KLF12: variants seen among roughly 807,000 people sequenced by gnomAD.
KLF12 encodes the protein KLF transcription factor 12, also known as Krueppel-like factor 12.
A neutral mutation model predicts 37.8 loss-of-function variants in KLF12; 9 were observed. That is an observed-to-expected ratio of 0.24 (90% CI 0.14 to 0.42). The LOEUF (loss-of-function observed/expected upper bound fraction) is 0.42, where lower values mean the gene tolerates loss of function less well. Ranked by LOEUF, KLF12 falls within the 10% of genes least tolerant of loss-of-function variation. The pLI is 1.00. For synonymous variants in KLF12, 208 were observed against 202.1 expected (o/e 1.03, Z -0.25); for missense variants, 411 against 516.0 (o/e 0.80, Z 1.97).
chr13:73,722,900 C>T (rs1330383305), intron 6 of KLF12, among the ~76,000 whole-genome samples: 6 of 152,104 alleles, frequency 3.9e-5, no homozygotes, highest in Admixed American at 1.3e-4. Context: ...GCCTTTTGGG[C>T]GCCCAAGGGG....
At chr13:73,733,272 A>C (rs1317136657) in intron 6 of KLF12, among the ~76,000 whole-genome samples, 4 of 152,110 alleles carry the variant, frequency 2.6e-5, no homozygotes, top group Admixed American at 1.3e-4. Context: ...CATCATCCTA[A>C]CAGAAACTCT....
chr13:74,023,746 T>G (rs1892904125), intron 1 of KLF12, among the ~76,000 whole-genome samples: 1 of 152,174 alleles, frequency 6.6e-6, no homozygotes, highest in Non-Finnish European at 1.5e-5. Flanking sequence ...GATCACATTC[T>G]GAGGTCCCAA....
At chr13:74,076,485 C>G (rs892679528) in intron 1 of KLF12, among the ~76,000 whole-genome samples, 4 of 152,134 alleles carry the variant, frequency 2.6e-5, no homozygotes, top group Admixed American at 2.0e-4. Context: ...GTTCCCCACA[C>G]AGTGGAAGGT....
the KLF12 span, among the ~76,000 whole-genome samples, chr13:74,140,366 TA>T: frequency 6.7e-6 from 1 of 150,310 alleles, no homozygotes; most frequent in African/African-American, 2.5e-5. Context: ...CTACCAAAAA[TA>T]AAAAAAAATA....
chr13:74,005,433 C>T (rs1395401175), intron 1 of KLF12, among the ~76,000 whole-genome samples: 1 of 152,116 alleles, frequency 6.6e-6, no homozygotes, highest in African/African-American at 2.4e-5. Flanking sequence ...CATCGTATAA[C>T]ATATATTTCA....
chr13:73,732,114 G>C (rs1298035806), intron 6 of KLF12, among the ~76,000 whole-genome samples: 10 of 135,338 alleles, frequency 7.4e-5, no homozygotes, highest in Non-Finnish European at 1.6e-4. Context: ...AGGGAGTTTT[G>C]CTCTTGTTGC....
At chr13:73,780,465 G>A (rs1054673181) in intron 5 of KLF12, among the ~76,000 whole-genome samples, 1 of 121,968 alleles carries the variant, frequency 8.2e-6, no homozygotes, top group Non-Finnish European at 1.7e-5. Context: ...TAGCACCCAA[G>A]GAATGGTTTT....
chr13:74,244,235 C>A, the KLF12 span, among the ~76,000 whole-genome samples: 60 of 152,152 alleles, frequency 3.9e-4, 1 homozygote, highest in Admixed American at 7.9e-4. Context: ...CCATATGTCA[C>A]TTTGTTACTA....
At chr13:73,960,714 C>T (rs1890996982) in intron 2 of KLF12, among the ~76,000 whole-genome samples, 1 of 152,138 alleles carries the variant, frequency 6.6e-6, no homozygotes, top group Non-Finnish European at 1.5e-5. Context: ...ATATTTGTAA[C>T]TGATATGCTG....
At chr13:73,873,893 G>A (rs904391878) in intron 3 of KLF12, among the ~76,000 whole-genome samples, 8 of 151,742 alleles carry the variant, frequency 5.3e-5, no homozygotes, top group Non-Finnish European at 7.4e-5. Flanking sequence ...AAGGCCCTCA[G>A]AATTTACAAT....
At chr13:73,976,178 C>T (rs1405768911) in intron 2 of KLF12, among the ~76,000 whole-genome samples, 2 of 151,504 alleles carry the variant, frequency 1.3e-5, no homozygotes, top group African/African-American at 2.4e-5. Context: ...CACAGCTGGC[C>T]CATACATTAT....
intron 4 of KLF12, among the ~76,000 whole-genome samples, chr13:73,817,324 A>AAAAAAAAAAAAAAAG (rs1184659945): frequency 4.1e-3 from 399 of 97,780 alleles, no homozygotes; most frequent in African/African-American, 0.011. Flanking sequence ...GTTTCAAAAA[A>AAAAAAAAAAAAAAAG]AAAAGAAAAG....
intron 3 of KLF12, among the ~76,000 whole-genome samples, chr13:73,916,395 TATCAAACATCTAGTAAATATCTCTG>T (rs1377784400): frequency 6.6e-6 from 1 of 152,174 alleles, no homozygotes; most frequent in Non-Finnish European, 1.5e-5. Flanking sequence ...GAACCAGAGC[TATCAAACATCTAGTAAATATCTCTG>T]CCTCACTATA....
rs556939659 is a variant in KLF12 at position 73,693,151 on chromosome 13, C to T, written c.*2339G>A. 2.0e-5 allele frequency: 3 copies of T among 152,296 alleles called. No individual in the cohort carries two copies. The South Asian group carries it at 6.2e-4, about 32-fold the overall frequency. The allele number at this position is 152,296 out of a possible 1,614,324, so 9.4% of individuals were successfully genotyped here. A position where few individuals can be genotyped will look rare whatever the true frequency, so the allele number is the denominator to read the frequency against. On this transcript the variant is annotated 3_prime_UTR_variant, in exon 8 of 8. Coordinates refer to ENST00000377669, the MANE Select transcript of KLF12 (RefSeq NM_007249.5). The stretch of plus-strand genomic sequence containing the variant: ...CTTGAGAGATGCACCCACTACTTGC[C>T]AACTAGGTGCTGGTACTAGTGCCAG...
At chr13:74,195,945 T>C in the KLF12 span, among the ~76,000 whole-genome samples, 1 of 152,112 alleles carries the variant, frequency 6.6e-6, no homozygotes, top group Admixed American at 6.6e-5. Context: ...CAAGAATTCA[T>C]GATAATGGCA....
intron 3 of KLF12, among the ~76,000 whole-genome samples, chr13:73,850,674 T>C (rs760992765): frequency 6.6e-5 from 10 of 152,230 alleles, no homozygotes; most frequent in African/African-American, 2.4e-4. Context: ...CTTTCCTCTT[T>C]AGTAACACCA....
chr13:74,135,826 C>A (rs1469913493), upstream of KLF12, among the ~76,000 whole-genome samples: 3 of 152,148 alleles, frequency 2.0e-5, no homozygotes, highest in Non-Finnish European at 4.4e-5. Context: ...GGAAGAGAAA[C>A]AAGGGAGAGG....
At chr13:73,894,552 G>A (rs1045250064) in intron 3 of KLF12, among the ~76,000 whole-genome samples, 7 of 152,004 alleles carry the variant, frequency 4.6e-5, no homozygotes, top group Admixed American at 1.3e-4. Flanking sequence ...ACTTTAGCAC[G>A]CCCACTCTAC....
chr13:73,924,227 A>T (rs139784005), intron 3 of KLF12, among the ~76,000 whole-genome samples: 34 of 152,306 alleles, frequency 2.2e-4, no homozygotes, highest in African/African-American at 7.7e-4. Flanking sequence ...GTACAGGTAG[A>T]TTTCATTTTA....
Sources: allele counts gnomAD v4.1 joint callset (sites outside exome capture counted in the v4.1 genomes callset), GRCh38; gene constraint gnomAD v4.1.1; transcripts MANE v1.5; gene names NCBI Gene and HGNC (gene_info 2026-07-23, HGNC 2026-07-21).